The following ZNF385A variants were observed in gnomAD, a reference collection of about 807,000 sequenced individuals.
ZNF385A encodes the protein hematopoietic zinc finger protein.
ZNF385A carries 14 observed loss-of-function variants against 32.1 expected under a neutral mutation model. The observed-to-expected ratio is 0.44, with a 90% CI of 0.29 to 0.68. ZNF385A has a LOEUF of 0.68. Ranked by LOEUF, ZNF385A falls within the 30% of genes least tolerant of loss-of-function variation. ZNF385A has a pLI of 0.14. For synonymous variants in ZNF385A, 197 were observed against 202.7 expected (o/e 0.97, Z 0.24); for missense variants, 406 against 478.4 (o/e 0.85, Z 1.41).
chr12:54,379,789 C>T (rs758787395), intron 1 of ZNF385A, among the ~76,000 whole-genome samples: 1 of 152,216 alleles, frequency 6.6e-6, no homozygotes, highest in African/African-American at 2.4e-5. Flanking sequence ...CCGCGCCCGC[C>T]ACCTGCCGGA....
chr12:54,391,083 C>T (rs1955628749), intron 1 of ZNF385A, among the ~76,000 whole-genome samples: 1 of 151,940 alleles, frequency 6.6e-6, no homozygotes, highest in Non-Finnish European at 1.5e-5. Context: ...GAGGGGACCC[C>T]AGATGTGGAG....
At chr12:54,372,497 A>C (rs1219172242) in intron 3 of ZNF385A, among the ~76,000 whole-genome samples, 1 of 152,188 alleles carries the variant, frequency 6.6e-6, no homozygotes, top group Non-Finnish European at 1.5e-5. Flanking sequence ...CCTCCATCCC[A>C]ATCCAGACAG....
chr12:54,377,047 G>A (rs530875398), intron 1 of ZNF385A, among the ~76,000 whole-genome samples: 1 of 152,286 alleles, frequency 6.6e-6, no homozygotes, highest in Non-Finnish European at 1.5e-5. Flanking sequence ...CTCCTCAGCC[G>A]AGCCCATCTC....
At chr12:54,386,213 G>C (rs941677687), upstream of ZNF385A, among the ~76,000 whole-genome samples, 247 of 145,992 alleles carry the variant, frequency 1.7e-3, 1 homozygote, top group African/African-American at 6.3e-3. Context: ...CACACACAGA[G>C]AGACGGACAG....
chr12:54,391,008 C>T (rs532671391), intron 1 of ZNF385A, among the ~76,000 whole-genome samples: 6 of 152,108 alleles, frequency 3.9e-5, no homozygotes, highest in East Asian at 1.9e-4. Context: ...CGCTCTGCCT[C>T]CCGCTTTACC....
intron 1 of ZNF385A, among the ~76,000 whole-genome samples, chr12:54,378,324 C>T (rs1344675788): frequency 6.6e-6 from 1 of 152,140 alleles, no homozygotes; most frequent in African/African-American, 2.4e-5. Flanking sequence ...CCAGCACCTC[C>T]CAGAGCCCAT....
intron 1 of ZNF385A, among the ~76,000 whole-genome samples, chr12:54,382,178 C>T (rs577338582): frequency 6.6e-6 from 1 of 151,366 alleles, no homozygotes; most frequent in African/African-American, 2.4e-5. Context: ...TGCCATTCTT[C>T]TGCCTCAGCC....
chr12:54,374,654 A>C (rs2137196718), intron 2 of ZNF385A, among the ~76,000 whole-genome samples: 1 of 152,144 alleles, frequency 6.6e-6, no homozygotes, highest in East Asian at 1.9e-4. Context: ...CTCTGTGGAC[A>C]CCCTGGAGGA....
intron 1 of ZNF385A, chr12:54,379,141 C>A (rs1396015535): frequency 6.1e-6 from 6 of 981,198 alleles, no homozygotes; most frequent in Non-Finnish European, 6.0e-6. Flanking sequence ...CCTGGCCGGG[C>A]CGGGCAGGCC....
intron 1 of ZNF385A, among the ~76,000 whole-genome samples, chr12:54,376,804 A>C (rs926435617): frequency 6.6e-6 from 1 of 152,208 alleles, no homozygotes; most frequent in Admixed American, 6.5e-5. Flanking sequence ...GCTTTCTGCT[A>C]TCAGGGGATG....
rs1289336522 is a variant in ZNF385A at position 54,372,770 on chromosome 12, GGCTCAT to G, written c.362-1061_362-1056del. 3.2e-5 allele frequency: 5 copies of G among 154,560 alleles called. No homozygotes were observed. In the East Asian group the frequency reaches 9.6e-4, roughly 30 times the overall value. 9.6% of individuals were successfully genotyped at this position (154,560 alleles called of 1,614,324 possible). On this transcript the variant is annotated intron_variant, in intron 3 of 6. Coordinates refer to ENST00000394313, the MANE Select transcript of ZNF385A (RefSeq NM_015481.3). ...TCAGCTTCCCGTGGCCGGGGACGGT[GGCTCAT>G]GCCTGTGATCCCAGCATTTTGGGAG... is the stretch of plus-strand genomic sequence containing the variant.
At chr12:54,388,157 G>C (rs1488042135), upstream of ZNF385A, among the ~76,000 whole-genome samples, 1 of 151,998 alleles carries the variant, frequency 6.6e-6, no homozygotes, top group East Asian at 1.9e-4. Flanking sequence ...AAGCTCATTA[G>C]AGTAATTACC....
intron 2 of ZNF385A, among the ~76,000 whole-genome samples, chr12:54,374,428 CAG>C (rs1044809112): frequency 6.6e-6 from 1 of 152,100 alleles, no homozygotes; most frequent in African/African-American, 2.4e-5. Context: ...CTGGTAGAGA[CAG>C]GGGGACCACA....
At chr12:54,371,755 C>T (rs1954566162) in intron 3 of ZNF385A, 40 bp from the exon 4 acceptor site, 1 of 1,606,992 alleles carries the variant, frequency 6.2e-7, no homozygotes, top group Admixed American at 1.7e-5. Flanking sequence ...CCCTAGATGG[C>T]TCTTGGAGAA....
rs1281355481 is a variant in ZNF385A, at chr12:54,374,027, G to A, written c.307C>T (p.Pro103Ser). 7 of 1,597,138 alleles carry A rather than the reference G, an allele frequency of 4.4e-6. No individual in the cohort carries two copies. Among genetic ancestry groups the A allele is most frequent in the Non-Finnish European group, 6.0e-6 (7 of 1,169,142 alleles). Residue 103 changes from proline (P) to serine (S), a missense_variant, in exon 3 of 7, where the codon CCA becomes TCA. Coordinates refer to ENST00000394313, the MANE Select transcript of ZNF385A (RefSeq NM_015481.3). ...REPGVREPGDPAPPGSTPTNG... is the reference protein window; with the variant it reads ...REPGVREPGDSAPPGSTPTNG... ...GTTGGGGTGCTGCCTGGGGGAGCTG[G>A]GTCTCCAGGTTCTCGGACGCCAGGC... is the stretch of plus-strand genomic sequence containing the variant.
At chr12:54,375,788 G>A in intron 2 of ZNF385A, 56 bp downstream of exon 2, 2 of 1,503,700 alleles carry the variant, frequency 1.3e-6, no homozygotes, top group South Asian at 2.3e-5. Context: ...CCTCCCTCAA[G>A]TTCCCCTGCT....
intron 4 of ZNF385A, among the ~76,000 whole-genome samples, 183 bp downstream of exon 4, chr12:54,371,290 T>TGGA (rs1346155887): frequency 6.6e-6 from 1 of 151,734 alleles, no homozygotes; most frequent in Non-Finnish European, 1.5e-5. Flanking sequence ...AGGAGTAAGA[T>TGGA]GGAGGGAGGA....
upstream of ZNF385A, chr12:54,385,776 C>T (rs923246200): frequency 2.5e-5 from 12 of 483,320 alleles, no homozygotes; most frequent in Non-Finnish European, 2.4e-5. Flanking sequence ...CCCTCTGCCC[C>T]CTCCCTTGCC....
At position 54,374,092 on chromosome 12, in the gene ZNF385A, C is replaced by T. The variant is rs755879254; in HGVS notation, c.242G>A (p.Arg81Gln). The T allele has an allele frequency of 5.0e-6, 8 of 1,592,622 alleles. No individual in the cohort carries two copies. The highest frequency in any genetic ancestry group is 6.9e-6 in the Non-Finnish European group (8 of 1,166,406). Residue 81 changes from arginine (R) to glutamine (Q), a missense_variant, in exon 3 of 7, where the codon CGA becomes CAA. Coordinates refer to ENST00000394313, the MANE Select transcript of ZNF385A (RefSeq NM_015481.3). ...CTTGGCAGCCTCAATGCCTTTGACT[C>T]GTCGGGCGTGGCGATTACCTTTGTA... Reference protein sequence around the residue: ...AHYKGNRHARRVKGIEAAKTR... With the variant: ...AHYKGNRHARQVKGIEAAKTR...
Sources: gnomAD v4.1 joint callset for allele counts (sites outside exome capture counted in the v4.1 genomes callset) on GRCh38, gnomAD v4.1.1 for gene constraint, MANE v1.5 for transcripts, NCBI Gene and HGNC (gene_info 2026-07-23, HGNC 2026-07-21) for gene names.